ELF1: variants seen among roughly 807,000 people sequenced by gnomAD.
ELF1 encodes the protein E74 like ETS transcription factor 1.
In ELF1, 24 loss-of-function variants were observed where a neutral mutation model predicts 59.9. That is an observed-to-expected ratio of 0.40 (90% CI 0.29 to 0.56). The LOEUF (loss-of-function observed/expected upper bound fraction) is 0.56, where lower values mean the gene tolerates loss of function less well. Ranked by LOEUF, ELF1 falls within the 20% of genes least tolerant of loss-of-function variation. ELF1 has a pLI of 0.44. For missense variants in ELF1, 627 were observed against 742.2 expected (o/e 0.84, Z 1.80); for synonymous variants, 248 against 266.2 (o/e 0.93, Z 0.67).
chr13:40,935,323 C>A (rs906590175), intron 8 of ELF1, among the ~76,000 whole-genome samples: 1 of 152,200 alleles, frequency 6.6e-6, no homozygotes, highest in Non-Finnish European at 1.5e-5. Context: ...TTTCAAACAG[C>A]TGACAGCTAG....
At chr13:40,942,576 C>T (rs1289061682) in intron 7 of ELF1, among the ~76,000 whole-genome samples, 1 of 152,066 alleles carries the variant, frequency 6.6e-6, no homozygotes, top group African/African-American at 2.4e-5. Flanking sequence ...AGCTGGAGTT[C>T]AGTAGTACAA....
intron 1 of ELF1, among the ~76,000 whole-genome samples, chr13:41,046,176 G>A (rs1437413675): frequency 3.3e-5 from 5 of 152,072 alleles, no homozygotes; most frequent in Non-Finnish European, 7.4e-5. Context: ...GCCTATGTGT[G>A]TCTCTGCACA....
intron 1 of ELF1, among the ~76,000 whole-genome samples, chr13:41,038,048 A>G (rs537437126): frequency 6.9e-6 from 1 of 145,936 alleles, no homozygotes; most frequent in East Asian, 2.0e-4. Context: ...AGACTATGTT[A>G]GCAAAGTGAA....
At chr13:40,952,035 T>A (rs764644984) in intron 3 of ELF1, among the ~76,000 whole-genome samples, 1 of 152,212 alleles carries the variant, frequency 6.6e-6, no homozygotes, top group Non-Finnish European at 1.5e-5. Flanking sequence ...CATATTGCAA[T>A]TGACTGATAC....
chr13:41,053,923 A>G (rs1304146958), intron 1 of ELF1, among the ~76,000 whole-genome samples: 1 of 152,194 alleles, frequency 6.6e-6, no homozygotes, highest in Non-Finnish European at 1.5e-5. Flanking sequence ...TTTAACAACT[A>G]CAACCAAATC....
intron 1 of ELF1, among the ~76,000 whole-genome samples, chr13:41,057,462 T>A (rs2138442655): frequency 6.6e-6 from 1 of 152,000 alleles, no homozygotes; most frequent in East Asian, 1.9e-4. Context: ...GGCACGATCC[T>A]GAGATCCTGG....
In ELF1 at chr13:41,048,854, T is replaced by C. The variant is rs566370971; in HGVS notation, c.-229+11984A>G. ...TTCACAGCCAAACTTCCTCAAAAGA[T>C]GTGTATATACTGTCCTCACCTACTC... On this transcript the variant is annotated intron_variant, in intron 1 of 1. Coordinates refer to the ELF1 transcript ENST00000405737. 1.6e-4 allele frequency among the ~76,000 whole-genome samples: 24 copies of C among 152,208 alleles called. 1 individual carries two copies. The South Asian group carries it at 5.0e-3, about 32-fold the overall frequency.
intron 1 of ELF1, among the ~76,000 whole-genome samples, chr13:41,031,442 C>A (rs1302931543): frequency 2.0e-5 from 3 of 152,054 alleles, no homozygotes; most frequent in Non-Finnish European, 2.9e-5. Flanking sequence ...CCAATTCTGA[C>A]ATTTGATTTT....
intron 7 of ELF1, among the ~76,000 whole-genome samples, chr13:40,942,696 AT>A (rs1242878239): frequency 2.6e-5 from 4 of 151,788 alleles, no homozygotes. Context: ...AATTTTTTGT[AT>A]TTTTAGTAGA....
chr13:41,056,670 T>C lies in ELF1; in HGVS notation c.-229+4168A>G, dbSNP rs577918414. Among the ~76,000 whole-genome samples the C allele has an allele frequency of 2.0e-5, 3 of 152,322 alleles. No homozygotes were observed. The East Asian group carries it at 5.8e-4, about 29-fold the overall frequency. On this transcript the variant is annotated intron_variant, in intron 1 of 1. Coordinates refer to the ELF1 transcript ENST00000405737. ...AGAACAAGAACGATCTCATATGATA[T>C]CCTTGCCTTCAGGGAACTTATATTG...
At chr13:40,962,915 G>C (rs1362040889) in intron 2 of ELF1, among the ~76,000 whole-genome samples, 1 of 152,166 alleles carries the variant, frequency 6.6e-6, no homozygotes, top group Non-Finnish European at 1.5e-5. Context: ...GGATTCTACT[G>C]TCTGAGCTTA....
intron 1 of ELF1, among the ~76,000 whole-genome samples, chr13:40,986,816 AAT>A (rs1292385646): frequency 1.3e-5 from 2 of 152,180 alleles, no homozygotes; most frequent in African/African-American, 4.8e-5. Context: ...TACTAAAAAA[AAT>A]ATGATAGTCA....
chr13:41,027,490 C>A (rs1430290313), intron 1 of ELF1, among the ~76,000 whole-genome samples: 1 of 152,232 alleles, frequency 6.6e-6, no homozygotes, highest in Non-Finnish European at 1.5e-5. Context: ...GGTATGGCCA[C>A]TGCTGAGTGC....
intron 1 of ELF1, among the ~76,000 whole-genome samples, chr13:40,991,019 A>AT (rs1254977064): frequency 6.6e-6 from 1 of 152,204 alleles, no homozygotes; most frequent in Non-Finnish European, 1.5e-5. Flanking sequence ...ATATCATGTG[A>AT]TAAGCATGGC....
chr13:41,058,842 G>A (rs1439872614), intron 1 of ELF1, among the ~76,000 whole-genome samples: 2 of 152,168 alleles, frequency 1.3e-5, no homozygotes, highest in East Asian at 1.9e-4. Flanking sequence ...GCGTGGTGGC[G>A]GGTGTCTGTA....
chr13:41,049,503 C>G (rs1306922777), intron 1 of ELF1, among the ~76,000 whole-genome samples: 1 of 152,188 alleles, frequency 6.6e-6, no homozygotes, highest in Non-Finnish European at 1.5e-5. Context: ...AAATATCTAA[C>G]ATGGCCTAGA....
chr13:41,025,684 T>C (rs1875867396), intron 1 of ELF1, among the ~76,000 whole-genome samples: 1 of 152,242 alleles, frequency 6.6e-6, no homozygotes, highest in Non-Finnish European at 1.5e-5. Context: ...CCAGGTACTG[T>C]TCTAGCCCCT....
chr13:40,971,352 G>A lies in ELF1; in HGVS notation c.72+10631C>T, dbSNP rs187532062. 5.3e-3 allele frequency among the ~76,000 whole-genome samples: 802 copies of A among 152,108 alleles called. 10 individuals are homozygous for A. Among genetic ancestry groups the A allele is most frequent in the African/African-American group, 0.019 (771 of 41,474 alleles). ...AACTCACTGCAGCCCCCACCTCCCA[G>A]GCTCAAGTGATCTTCCCAACTCAGC... On this transcript the variant is annotated intron_variant, in intron 2 of 8. Coordinates refer to ENST00000239882, the MANE Select transcript of ELF1 (RefSeq NM_172373.4).
In ELF1 at chr13:40,938,698, CTTG is replaced by C. The variant is rs201727977; in HGVS notation, c.1256+2220_1256+2222del. Among the ~76,000 whole-genome samples, 24 of 151,972 alleles carry C rather than the reference CTTG, an allele frequency of 1.6e-4. No individual in the cohort carries two copies. The East Asian group carries it at 3.5e-3, about 22-fold the overall frequency. On this transcript the variant is annotated intron_variant, in intron 8 of 8. Coordinates refer to ENST00000239882, the MANE Select transcript of ELF1 (RefSeq NM_172373.4). ...GTACAAAGAGTGCTCTGTGTCAGCT[CTTG>C]TTGTTATATTAATAATTTATCTAAT...
Sources: gnomAD v4.1 joint callset for allele counts (sites outside exome capture counted in the v4.1 genomes callset) on GRCh38, gnomAD v4.1.1 for gene constraint, MANE v1.5 for transcripts, NCBI Gene and HGNC (gene_info 2026-07-23, HGNC 2026-07-21) for gene names.